DIS3L2: variants seen among roughly 807,000 people sequenced by gnomAD.
The protein encoded by DIS3L2 is DIS3-like exonuclease 2.
DIS3L2 carries 34 observed loss-of-function variants against 97.5 expected under a neutral mutation model. The observed-to-expected ratio is 0.35, with a 90% confidence interval of 0.27 to 0.46. DIS3L2 has a LOEUF of 0.46. Among genes scored for constraint, DIS3L2 ranks in the 20% least tolerant of loss-of-function variants. The probability of loss-of-function intolerance (pLI) is 1.00; values close to 1 mark genes in which losing one functional copy is unlikely to be tolerated. For missense variants in DIS3L2, 1,038 were observed against 1,146.0 expected, an observed-to-expected ratio of 0.91 and a Z score of 1.36; for synonymous variants, 435 against 445.2, an observed-to-expected ratio of 0.98 and a Z score of 0.29.
chr2:232,062,507 G>T (rs1283151388), intron 5 of DIS3L2, among the ~76,000 whole-genome samples: 2 of 152,016 alleles, frequency 1.3e-5, no homozygotes. Flanking sequence ...TGTTCAAACT[G>T]CCCCTGATCT....
chr2:232,342,267 A>G (rs1483114772), intron 13 of DIS3L2, among the ~76,000 whole-genome samples: 1 of 151,668 alleles, frequency 6.6e-6, no homozygotes, highest in Non-Finnish European at 1.5e-5. Context: ...ACACATACAC[A>G]TATACATATA....
At chr2:232,116,988 A>G (rs1265437006) in intron 6 of DIS3L2, among the ~76,000 whole-genome samples, 2 of 152,144 alleles carry the variant, frequency 1.3e-5, no homozygotes, top group African/African-American at 2.4e-5. Flanking sequence ...GTGAAGTCCC[A>G]CATCTCTGCT....
intron 14 of DIS3L2, among the ~76,000 whole-genome samples, chr2:232,310,739 A>G (rs867885213): frequency 7.9e-5 from 12 of 152,356 alleles, no homozygotes; most frequent in Admixed American, 2.6e-4. Flanking sequence ...ATACTACCCC[A>G]GCTATCTGAT....
intron 14 of DIS3L2, among the ~76,000 whole-genome samples, chr2:232,319,610 A>AG (rs905724422): frequency 2.6e-5 from 4 of 152,194 alleles, no homozygotes; most frequent in Non-Finnish European, 5.9e-5. Context: ...ATTCTCACCC[A>AG]GGGGAGGCCT....
chr2:232,230,278 C>T (rs952798198), intron 10 of DIS3L2, among the ~76,000 whole-genome samples: 4 of 152,224 alleles, frequency 2.6e-5, no homozygotes, highest in African/African-American at 9.6e-5. Flanking sequence ...CCAATTGAGT[C>T]TGTCTCCAAA....
chr2:232,247,617 G>GGGC (rs1693290703), intron 11 of DIS3L2, among the ~76,000 whole-genome samples: 7 of 28,904 alleles, frequency 2.4e-4, no homozygotes, highest in African/African-American at 8.8e-4. Flanking sequence ...TAACTGCCGC[G>GGGC]GGGGGGGGGG....
chr2:232,086,049 G>A (rs73001169), intron 5 of DIS3L2, among the ~76,000 whole-genome samples: 1,710 of 151,996 alleles, frequency 0.011, 19 homozygotes, highest in Non-Finnish European at 0.016. Flanking sequence ...CTCCTGCCTT[G>A]GCCTCCCATA....
intron 14 of DIS3L2, among the ~76,000 whole-genome samples, chr2:232,322,306 T>G (rs953407103): frequency 6.6e-6 from 1 of 152,210 alleles, no homozygotes; most frequent in Non-Finnish European, 1.5e-5. Context: ...CCTGTGCTCC[T>G]GCCAGGCATG....
rs1695709419 is a variant in DIS3L2, at chr2:232,330,696, C to T, written c.1930C>T (p.Leu644=). Residue 644 remains leucine, a synonymous_variant, in exon 16 of 21, where the codon CTG becomes TTG. Transcript: ENST00000325385. ...TTCTGGGATTTGCTTCTAGAAAAGCCTGACCCAAACATTTGGAGATGACAA... is the reference window on the plus strand; with the variant it reads ...TTCTGGGATTTGCTTCTAGAAAAGCTTGACCCAAACATTTGGAGATGACAA... The part of the protein sequence containing the change: ...FSSAGALNKS[L]TQTFGDDKYS... 1.2e-6 allele frequency: 2 copies of T among 1,613,946 alleles called. No individual in the cohort carries two copies. The highest frequency in any genetic ancestry group is 8.5e-7 in the Non-Finnish European group (1 of 1,180,034).
chr2:232,010,750 C>T (rs1049846856), intron 1 of DIS3L2, among the ~76,000 whole-genome samples: 4 of 152,188 alleles, frequency 2.6e-5, no homozygotes, highest in African/African-American at 9.7e-5. Context: ...GCTCTCACTC[C>T]TGGGTCCTGC....
intron 12 of DIS3L2, among the ~76,000 whole-genome samples, chr2:232,257,423 C>T (rs1032114572): frequency 6.6e-6 from 1 of 152,186 alleles, no homozygotes; most frequent in African/African-American, 2.4e-5. Context: ...TTTGACTTTT[C>T]TCACTGCCGG....
chr2:231,964,574 T>G (rs1035009516), intron 1 of DIS3L2, among the ~76,000 whole-genome samples: 2 of 152,224 alleles, frequency 1.3e-5, no homozygotes, highest in African/African-American at 2.4e-5. Context: ...GATAACGACT[T>G]TATTTTTAAT....
intron 10 of DIS3L2, among the ~76,000 whole-genome samples, chr2:232,223,899 G>A (rs908171280): frequency 1.3e-5 from 2 of 152,154 alleles, no homozygotes. Flanking sequence ...ACCAGCCTTG[G>A]CAACATGGTG....
intron 14 of DIS3L2, among the ~76,000 whole-genome samples, chr2:232,317,015 C>A (rs1006772499): frequency 1.3e-5 from 2 of 152,188 alleles, no homozygotes; most frequent in African/African-American, 2.4e-5. Context: ...ACTCTCACAT[C>A]CTTAAGGCAG....
Position 232,325,541 on chromosome 2 carries a change from G to T in DIS3L2, c.1740-4272G>T, listed in dbSNP as rs913088688. 3.9e-5 allele frequency among the ~76,000 whole-genome samples: 6 copies of T among 152,158 alleles called. No individual in the cohort carries two copies. Among genetic ancestry groups the T allele is most frequent in the Admixed American group, 3.3e-4 (5 of 15,274 alleles). On this transcript the variant is annotated intron_variant, in intron 14 of 20. Transcript: ENST00000325385. This position sits in a 1 kb window ranked among gnomAD's most constrained non-coding sequence, Gnocchi z 4.6. ...AGGCCCAGAACCAGGGAGGAGAGGT[G>T]CTGGGAGTGAGTGCCGAGGAGCTGG...
intron 5 of DIS3L2, among the ~76,000 whole-genome samples, chr2:232,046,741 A>T (rs896635324): frequency 6.6e-6 from 1 of 152,308 alleles, no homozygotes; most frequent in South Asian, 2.1e-4. Context: ...TAGATTTTAG[A>T]ATATCTTGAG....
intron 13 of DIS3L2, among the ~76,000 whole-genome samples, chr2:232,284,891 C>T (rs1315830240): frequency 6.6e-6 from 1 of 152,168 alleles, no homozygotes; most frequent in African/African-American, 2.4e-5. Context: ...TGGAGCTGCA[C>T]ACCACAGAGA....
chr2:231,967,115 G>A lies in DIS3L2; in HGVS notation c.-94+5350G>A, dbSNP rs548096679. 2.0e-5 allele frequency among the ~76,000 whole-genome samples: 3 copies of A among 152,204 alleles called. No homozygotes were observed. The South Asian group carries it at 6.2e-4, about 32-fold the overall frequency. ...ACACTGGTAGGAAGGGACTTCATGT[G>A]GTGCAAAGTACCTTGAAATTATCTC... On this transcript the variant is annotated intron_variant, in intron 1 of 20. Transcript: ENST00000325385.
intron 6 of DIS3L2, among the ~76,000 whole-genome samples, chr2:232,091,300 C>G (rs976862918): frequency 2.0e-5 from 3 of 152,290 alleles, no homozygotes; most frequent in Admixed American, 1.3e-4. Context: ...CCACTTCTCC[C>G]CACTTACTAC....
Sources: allele counts gnomAD v4.1 joint callset (sites outside exome capture counted in the v4.1 genomes callset), GRCh38; gene constraint gnomAD v4.1.1; non-coding constraint Gnocchi (gnomAD v3.1); transcripts MANE v1.5; gene names NCBI Gene and HGNC (gene_info 2026-07-23, HGNC 2026-07-21).